The following MCC variants were observed in gnomAD, a reference collection of about 807,000 sequenced individuals.
The protein encoded by MCC is colorectal mutant cancer protein.
A neutral mutation model predicts 116.2 loss-of-function variants in MCC; 90 were observed. The ratio of observed to expected loss-of-function variants is 0.77; its 90% confidence interval spans 0.65 to 0.92. The LOEUF is 0.92. MCC is among the 40% of genes least tolerant of loss of function. The probability of loss-of-function intolerance (pLI) is 0.00; values close to 1 mark genes in which losing one functional copy is unlikely to be tolerated. For missense variants in MCC, 1,516 were observed against 1,312.2 expected, an observed-to-expected ratio of 1.16 and a Z score of -2.40; for synonymous variants, 578 against 510.5, an observed-to-expected ratio of 1.13 and a Z score of -1.78.
intron 4 of MCC, among the ~76,000 whole-genome samples, chr5:113,145,106 A>G (rs1759414050): frequency 6.6e-6 from 1 of 152,248 alleles, no homozygotes; most frequent in African/African-American, 2.4e-5. Context: ...AAAGAGCTTC[A>G]TATTTCTCTG....
At chr5:113,040,378 C>A (rs1751618005) in intron 17 of MCC, among the ~76,000 whole-genome samples, 1 of 152,060 alleles carries the variant, frequency 6.6e-6, no homozygotes, top group Non-Finnish European at 1.5e-5. Context: ...TTAAGGACAG[C>A]CCATGGCTTA....
intron 3 of MCC, among the ~76,000 whole-genome samples, chr5:113,237,056 G>A (rs909827042): frequency 1.3e-5 from 2 of 152,168 alleles, no homozygotes; most frequent in Non-Finnish European, 2.9e-5. Context: ...AGTCCTTGGG[G>A]AATTCATTAA....
chr5:113,412,237 A>C (rs1163563995), intron 1 of MCC, among the ~76,000 whole-genome samples: 2 of 152,110 alleles, frequency 1.3e-5, no homozygotes, highest in African/African-American at 4.8e-5. Context: ...TTTGCTTAGG[A>C]TTGTCCTGAC....
intron 9 of MCC, 60 bp downstream of exon 9, chr5:113,085,104 C>G: frequency 6.2e-7 from 1 of 1,611,270 alleles, no homozygotes; most frequent in South Asian, 1.1e-5. Flanking sequence ...TAGGATGAGC[C>G]TGGTGCTTCC....
intron 3 of MCC, among the ~76,000 whole-genome samples, chr5:113,242,110 T>C (rs1304794580): frequency 6.6e-6 from 1 of 152,214 alleles, no homozygotes; most frequent in Non-Finnish European, 1.5e-5. Flanking sequence ...TCATAGGCCA[T>C]CTTTGGCAGT....
intron 13 of MCC, among the ~76,000 whole-genome samples, chr5:113,065,953 G>T (rs1157313410): frequency 6.6e-6 from 1 of 152,122 alleles, no homozygotes; most frequent in Non-Finnish European, 1.5e-5. Context: ...AAAATCCCTG[G>T]AACTCCCTCC....
intron 3 of MCC, among the ~76,000 whole-genome samples, chr5:113,300,279 C>T (rs1478079821): frequency 6.6e-6 from 1 of 152,120 alleles, no homozygotes; most frequent in African/African-American, 2.4e-5. Context: ...CTGGGGTGCC[C>T]CAGCGATCCT....
chr5:113,284,512 T>C (rs1364275493), intron 3 of MCC, among the ~76,000 whole-genome samples: 1 of 152,226 alleles, frequency 6.6e-6, no homozygotes, highest in Non-Finnish European at 1.5e-5. Context: ...TATCCTGTAA[T>C]ATAGAAATAG....
At chr5:113,260,477 A>G (rs781633842) in intron 3 of MCC, among the ~76,000 whole-genome samples, 2 of 152,178 alleles carry the variant, frequency 1.3e-5, no homozygotes, top group Non-Finnish European at 2.9e-5. Context: ...TCATACAGAT[A>G]AACAGTTGGA....
chr5:113,046,279 G>A (rs1447747735), intron 16 of MCC, among the ~76,000 whole-genome samples: 4 of 151,640 alleles, frequency 2.6e-5, no homozygotes, highest in African/African-American at 4.9e-5. Flanking sequence ...TGCAACTTCC[G>A]CCTCCCAGGT....
chr5:113,133,401 G>A (rs1191762641), intron 5 of MCC, among the ~76,000 whole-genome samples: 1 of 151,818 alleles, frequency 6.6e-6, no homozygotes, highest in African/African-American at 2.4e-5. Context: ...GTCTTTTTGT[G>A]CTTTCTGGCT....
chr5:113,143,102 T>A, intron 5 of MCC, 116 bp downstream of exon 5: 2 of 1,117,220 alleles, frequency 1.8e-6, no homozygotes, highest in Non-Finnish European at 2.5e-6. Context: ...ATAATCTAGT[T>A]TATAATCTAC....
intron 3 of MCC, among the ~76,000 whole-genome samples, chr5:113,188,371 G>A (rs1019066242): frequency 5.3e-5 from 8 of 152,114 alleles, no homozygotes; most frequent in Non-Finnish European, 1.2e-4. Context: ...AGGTAAATAA[G>A]AAACACAGAG....
At chr5:113,335,371 T>C (rs1294520064) in intron 3 of MCC, among the ~76,000 whole-genome samples, 1 of 151,822 alleles carries the variant, frequency 6.6e-6, no homozygotes, top group East Asian at 1.9e-4. Context: ...AATTAATACT[T>C]TTATTAATAA....
intron 1 of MCC, among the ~76,000 whole-genome samples, chr5:113,484,060 G>A (rs185791051): frequency 1.8e-4 from 27 of 152,256 alleles, no homozygotes; most frequent in Admixed American, 8.5e-4. Context: ...GAAGTTGGAA[G>A]GAGGGGGAGG....
intron 3 of MCC, among the ~76,000 whole-genome samples, chr5:113,228,872 G>A (rs1197829044): frequency 2.0e-5 from 3 of 152,174 alleles, no homozygotes; most frequent in Non-Finnish European, 4.4e-5. Flanking sequence ...TGTGGGGTAT[G>A]AAGAAGAAGA....
intron 3 of MCC, among the ~76,000 whole-genome samples, chr5:113,158,061 G>A (rs771949794): frequency 3.3e-5 from 5 of 152,134 alleles, no homozygotes; most frequent in Non-Finnish European, 5.9e-5. Context: ...TCCCCAGGTC[G>A]GACAAAGCAG....
chr5:113,318,570 TA>T (rs1767345150), intron 3 of MCC, among the ~76,000 whole-genome samples: 2 of 152,138 alleles, frequency 1.3e-5, no homozygotes, highest in African/African-American at 2.4e-5. Flanking sequence ...CTTAGCAAAC[TA>T]ACGCAGGAAC....
chr5:113,413,199 C>G (rs537926730), intron 1 of MCC, among the ~76,000 whole-genome samples: 1 of 151,878 alleles, frequency 6.6e-6, no homozygotes. Context: ...ATTTTTGCAT[C>G]GATGTTCATC....
Sources: allele counts gnomAD v4.1 joint callset (sites outside exome capture counted in the v4.1 genomes callset), GRCh38; gene constraint gnomAD v4.1.1; transcripts MANE v1.5; gene names NCBI Gene and HGNC (gene_info 2026-07-23, HGNC 2026-07-21).